Variants in AGBL1 observed in about 807,000 individuals in gnomAD.
AGBL1 encodes the protein cytosolic carboxypeptidase 4.
Under a neutral mutation model 118.9 loss-of-function variants are expected in AGBL1, and 130 were observed. That is an observed-to-expected ratio of 1.09 (90% CI 0.95 to 1.26). The LOEUF is 1.26. Among genes scored for constraint, AGBL1 ranks in the 50% most tolerant of loss-of-function variants. The pLI, the probability that AGBL1 is intolerant of heterozygous loss-of-function variation, is 0.00. For missense variants in AGBL1, 1,584 were observed against 1,298.1 expected (o/e 1.22, Z -3.38); for synonymous variants, 555 against 478.9 (o/e 1.16, Z -2.08).
intron 22 of AGBL1, among the ~76,000 whole-genome samples, chr15:86,768,279 G>C (rs1309637072): frequency 6.6e-6 from 1 of 151,882 alleles, no homozygotes; most frequent in Non-Finnish European, 1.5e-5. Context: ...CCTTCCCATT[G>C]CATATAACAT....
chr15:86,453,945 C>A (rs941616638), intron 18 of AGBL1, among the ~76,000 whole-genome samples: 6 of 152,184 alleles, frequency 3.9e-5, no homozygotes, highest in African/African-American at 1.4e-4. Flanking sequence ...CCATTCTTTT[C>A]CACCTTGGTC....
At chr15:86,939,731 C>T (rs1389515485) in intron 23 of AGBL1, 2 of 152,216 alleles carry the variant, frequency 1.3e-5, no homozygotes, top group East Asian at 1.9e-4. Flanking sequence ...TTATCCTCTC[C>T]ATCAGTACCA....
intron 22 of AGBL1, among the ~76,000 whole-genome samples, chr15:86,696,620 C>T (rs2086265888): frequency 6.6e-6 from 1 of 151,448 alleles, no homozygotes; most frequent in Non-Finnish European, 1.5e-5. Flanking sequence ...AGGTACTATT[C>T]CGTTCATTGG....
intron 22 of AGBL1, among the ~76,000 whole-genome samples, chr15:86,768,043 C>T (rs2078121410): frequency 1.3e-5 from 2 of 151,944 alleles, no homozygotes; most frequent in African/African-American, 4.8e-5. Flanking sequence ...AAGAACTCAT[C>T]ACTGCAAGGT....
intron 19 of AGBL1, among the ~76,000 whole-genome samples, chr15:86,532,639 G>A (rs539869578): frequency 7.3e-4 from 110 of 149,820 alleles, no homozygotes; most frequent in African/African-American, 2.4e-3. Context: ...CCAAAAAAGA[G>A]CCCGCATCGC....
intron 18 of AGBL1, among the ~76,000 whole-genome samples, chr15:86,407,238 A>G (rs2081542566): frequency 6.6e-6 from 1 of 152,164 alleles, no homozygotes; most frequent in Admixed American, 6.6e-5. Flanking sequence ...AGACCGAAAA[A>G]TGAAACTGAG....
At chr15:86,719,762 G>T (rs184671039) in intron 22 of AGBL1, among the ~76,000 whole-genome samples, 2 of 152,242 alleles carry the variant, frequency 1.3e-5, no homozygotes, top group African/African-American at 4.8e-5. Context: ...TGTATCACTT[G>T]TGTGAACTTG....
intron 22 of AGBL1, among the ~76,000 whole-genome samples, chr15:86,755,886 A>G (rs924928432): frequency 2.6e-5 from 4 of 152,238 alleles, no homozygotes; most frequent in South Asian, 2.1e-4. Context: ...TACCAGGGCA[A>G]TCAGTCAGAT....
At chr15:86,154,363 C>G (rs992506660) in intron 3 of AGBL1, 67 bp from the exon 4 acceptor site, 5 of 1,540,258 alleles carry the variant, frequency 3.2e-6, no homozygotes, top group East Asian at 2.3e-5. Context: ...CCTTCCTCCA[C>G]TGTACTCATT....
intron 22 of AGBL1, among the ~76,000 whole-genome samples, chr15:86,836,981 A>G (rs9806324): frequency 0.22 from 33,003 of 152,066 alleles, 3,630 homozygotes; most frequent in East Asian, 0.36. Context: ...ATAATCTTCA[A>G]AAGAGCAAGA....
At chr15:86,857,676 C>G (rs931944421) in intron 22 of AGBL1, among the ~76,000 whole-genome samples, 2 of 152,160 alleles carry the variant, frequency 1.3e-5, no homozygotes, top group Non-Finnish European at 2.9e-5. Context: ...ACTCATGTGA[C>G]TCTTTCATTC....
At position 86,546,205 on chromosome 15, in the gene AGBL1, C is replaced by T. The variant is rs2083579028; in HGVS notation, c.2817+72C>T. 5 of 1,414,936 alleles carry T rather than the reference C, an allele frequency of 3.5e-6. 1 individual carries two copies. In the South Asian group the frequency reaches 6.9e-5, roughly 20 times the overall value. 87.6% of individuals were successfully genotyped at this position (1,414,936 alleles called of 1,614,324 possible). On this transcript the variant is annotated intron_variant, in intron 20 of 22. Coordinates refer to ENST00000614907, the MANE Select transcript of AGBL1 (RefSeq NM_001386094.1). ...TTCATTCTTACCTTTAAGACCATGC[C>T]CCACTCATTTATTTAGTTTTTTTTT... is the stretch of plus-strand genomic sequence containing the variant.
At chr15:86,295,003 C>T (rs1212701003) in intron 16 of AGBL1, among the ~76,000 whole-genome samples, 1 of 152,170 alleles carries the variant, frequency 6.6e-6, no homozygotes, top group Non-Finnish European at 1.5e-5. Context: ...CTCCCTCTTG[C>T]TTTCAGTGCA....
rs1597368126 is a variant in AGBL1 at position 86,079,989 on chromosome 15, C to G, written c.17C>G (p.Ala6Gly). The change falls in exon 1 of 23, where the codon GCT (alanine) becomes GGT (glycine). Residue 6 changes from alanine (A) to glycine (G), a missense_variant. Coordinates refer to ENST00000614907, the MANE Select transcript of AGBL1 (RefSeq NM_001386094.1). ...GAGAAAAGGATGGCCGAACAAGAAG[C>G]TAGTGGGCTACAGGTCCTGCTGCAC... Reference protein sequence around the residue: MAEQEASGLQVLLHTL... With the variant: MAEQEGSGLQVLLHTL... 1.6e-6 allele frequency: 2 copies of G among 1,232,186 alleles called. No individual in the cohort carries two copies. The highest frequency in any genetic ancestry group is 3.2e-5 in the East Asian group (1 of 31,690). The allele number at this position is 1,232,186 out of a possible 1,614,324, so 76.3% of individuals were successfully genotyped here.
At chr15:86,662,445 C>G (rs1007698538) in intron 21 of AGBL1, among the ~76,000 whole-genome samples, 1 of 152,172 alleles carries the variant, frequency 6.6e-6, no homozygotes, top group African/African-American at 2.4e-5. Context: ...GTCATTTGGA[C>G]AGAAAGTTGG....
chr15:86,150,853 T>C (rs2077098121), intron 3 of AGBL1, among the ~76,000 whole-genome samples: 1 of 152,094 alleles, frequency 6.6e-6, no homozygotes, highest in Admixed American at 6.6e-5. Context: ...TGAACATTGA[T>C]GCAAAAATCC....
At position 86,247,799 on chromosome 15, in the gene AGBL1, A is replaced by G; in HGVS notation, c.655A>G (p.Arg219Gly). 6.2e-7 allele frequency: 1 copy of G among 1,614,002 alleles called. No homozygotes were observed. Residue 219 changes from arginine to glycine, a missense_variant, in exon 7 of 23, where the codon AGG (arginine) becomes GGG (glycine). Physicochemically the swap from Arg to Gly is moderately radical, Grantham distance 125. Coordinates refer to ENST00000614907, the MANE Select transcript of AGBL1 (RefSeq NM_001386094.1). ...QIRRGLLLCL[R>G]HIAALRSGRE... ...CCGACGGGGCTTGCTGCTCTGCCTC[A>G]GGCACATTGCTGCCCTCCGGTCCGG...
chr15:86,341,485 C>G (rs975156676), intron 17 of AGBL1, among the ~76,000 whole-genome samples: 1 of 152,124 alleles, frequency 6.6e-6, no homozygotes, highest in Non-Finnish European at 1.5e-5. Flanking sequence ...TATTTGTGTT[C>G]TATGTAATGA....
At chr15:86,857,335 C>T (rs2079497409) in intron 22 of AGBL1, among the ~76,000 whole-genome samples, 1 of 152,162 alleles carries the variant, frequency 6.6e-6, no homozygotes, top group Admixed American at 6.5e-5. Flanking sequence ...CCAGTAAAGG[C>T]CATGATCTTT....
Sources: allele counts gnomAD v4.1 joint callset (sites outside exome capture counted in the v4.1 genomes callset), GRCh38; gene constraint gnomAD v4.1.1; transcripts MANE v1.5; gene names NCBI Gene and HGNC (gene_info 2026-07-23, HGNC 2026-07-21).